Variants in CUX2 observed in about 807,000 individuals in gnomAD.
The protein encoded by CUX2 is homeobox protein cut-like 2.
In CUX2, 40 loss-of-function variants were observed where a neutral mutation model predicts 144.8. That is an observed-to-expected ratio of 0.28 (90% CI 0.21 to 0.36). The LOEUF (loss-of-function observed/expected upper bound fraction) is 0.36. Ranked by LOEUF, CUX2 falls within the 10% of genes least tolerant of loss-of-function variation. The probability of loss-of-function intolerance (pLI) is 1.00; values close to 1 mark genes in which losing one functional copy is unlikely to be tolerated. For synonymous variants in CUX2, 827 were observed against 875.6 expected, an observed-to-expected ratio of 0.94 and a Z score of 0.98; for missense variants, 1,615 against 1,994.0, an observed-to-expected ratio of 0.81 and a Z score of 3.62.
chr12:111,150,715 G>A (rs1295846521), intron 1 of CUX2, among the ~76,000 whole-genome samples: 1 of 135,202 alleles, frequency 7.4e-6, no homozygotes, highest in Non-Finnish European at 1.6e-5. Flanking sequence ...GTAGCTTCAG[G>A]ATCCTTCCAG....
chr12:111,208,006 C>A (rs1048915520), intron 1 of CUX2, among the ~76,000 whole-genome samples: 2 of 151,876 alleles, frequency 1.3e-5, no homozygotes, highest in Non-Finnish European at 2.9e-5. Flanking sequence ...GGTTTCTGCA[C>A]GGAATTTGGT....
chr12:111,328,712 GC>G (rs2136421163), intron 18 of CUX2, among the ~76,000 whole-genome samples: 1 of 151,710 alleles, frequency 6.6e-6, no homozygotes, highest in South Asian at 2.1e-4. Flanking sequence ...CAATTCTCCT[GC>G]CTCAGTCTCC....
chr12:111,166,692 G>T (rs1467731999), intron 1 of CUX2, among the ~76,000 whole-genome samples: 1 of 152,210 alleles, frequency 6.6e-6, no homozygotes, highest in East Asian at 1.9e-4. Flanking sequence ...AGGATCTGCA[G>T]AGGCTAAACG....
intron 1 of CUX2, among the ~76,000 whole-genome samples, chr12:111,071,846 C>T (rs1167816578): frequency 1.3e-5 from 2 of 152,130 alleles, no homozygotes; most frequent in Non-Finnish European, 2.9e-5. Flanking sequence ...CCAGTTGTTC[C>T]AGCACCATTT....
intron 16 of CUX2, among the ~76,000 whole-genome samples, chr12:111,317,990 A>G (rs955894142): frequency 2.0e-5 from 3 of 151,192 alleles, no homozygotes; most frequent in Non-Finnish European, 4.4e-5. Flanking sequence ...ACAGAACAAG[A>G]CTCAGTCAAA....
At chr12:111,222,365 C>T (rs1435829254) in intron 3 of CUX2, among the ~76,000 whole-genome samples, 3 of 152,180 alleles carry the variant, frequency 2.0e-5, no homozygotes, top group Non-Finnish European at 4.4e-5. Context: ...TTTTCTGAAG[C>T]GCGTGTGCAC....
In CUX2 at chr12:111,250,117, A is replaced by T. The variant is rs185165064; in HGVS notation, c.223-13644A>T. The stretch of plus-strand genomic sequence containing the variant: ...AAAAAGGCCAAAGTGGCTGACAAAG[A>T]GCTCCTGGTGGGAGCCCACCCCCTT... On this transcript the variant is annotated intron_variant, in intron 3 of 21. Transcript: ENST00000261726. Among the ~76,000 whole-genome samples the T allele has an allele frequency of 3.8e-3, 582 of 152,236 alleles. 4 individuals carry two copies. The highest frequency in any genetic ancestry group is 0.013 in the African/African-American group (525 of 41,552).
At chr12:111,267,033 A>G (rs112232121) in intron 4 of CUX2, among the ~76,000 whole-genome samples, 4,340 of 151,692 alleles carry the variant, frequency 0.029, 80 homozygotes, top group Middle Eastern at 0.048. Flanking sequence ...CTGTCTCTAC[A>G]AAAAAAATAC....
chr12:111,327,794 C>T (rs1887888082), intron 18 of CUX2, among the ~76,000 whole-genome samples: 1 of 152,156 alleles, frequency 6.6e-6, no homozygotes, highest in Non-Finnish European at 1.5e-5. Context: ...CAGTGCGTCA[C>T]ACCTGTAGTC....
chr12:111,214,952 T>C (rs569018499), intron 2 of CUX2, among the ~76,000 whole-genome samples: 7 of 152,302 alleles, frequency 4.6e-5, no homozygotes, highest in African/African-American at 1.7e-4. Context: ...TTCCATCCTC[T>C]CGCAGGCCCC....
At chr12:111,203,559 A>G (rs962322154) in intron 1 of CUX2, among the ~76,000 whole-genome samples, 12 of 150,932 alleles carry the variant, frequency 8.0e-5, no homozygotes, top group African/African-American at 2.7e-4. Flanking sequence ...AAAAAAAAAA[A>G]GAAAAAAAAG....
At chr12:111,242,951 G>T (rs1254828340) in intron 3 of CUX2, among the ~76,000 whole-genome samples, 1 of 152,118 alleles carries the variant, frequency 6.6e-6, no homozygotes, top group African/African-American at 2.4e-5. Context: ...TGAACATGAG[G>T]TGTTTGATTT....
intron 1 of CUX2, among the ~76,000 whole-genome samples, chr12:111,047,630 T>G (rs976752956): frequency 2.0e-5 from 3 of 152,194 alleles, no homozygotes; most frequent in Non-Finnish European, 2.9e-5. Flanking sequence ...GTTCATTTAC[T>G]AGCCCAAGGT....
intron 1 of CUX2, among the ~76,000 whole-genome samples, chr12:111,157,460 G>A (rs559507666): frequency 6.6e-6 from 1 of 151,890 alleles, no homozygotes; most frequent in East Asian, 1.9e-4. Context: ...TCTGGTTTAT[G>A]TTTCAAAGAT....
At chr12:111,073,844 C>T (rs894826330) in intron 1 of CUX2, among the ~76,000 whole-genome samples, 4 of 151,910 alleles carry the variant, frequency 2.6e-5, no homozygotes, top group Admixed American at 2.6e-4. Flanking sequence ...GCCTGTAGTT[C>T]TAGCTACTCC....
chr12:111,250,627 G>C (rs758563850), intron 3 of CUX2, among the ~76,000 whole-genome samples: 53 of 152,304 alleles, frequency 3.5e-4, no homozygotes, highest in Non-Finnish European at 6.3e-4. Context: ...TTGCACACAG[G>C]GGGCTGGTGG....
At chr12:111,185,624 C>A (rs1270820526) in intron 1 of CUX2, among the ~76,000 whole-genome samples, 1 of 152,198 alleles carries the variant, frequency 6.6e-6, no homozygotes, top group Non-Finnish European at 1.5e-5. Flanking sequence ...GAGTAGGGTG[C>A]TGAGGACAGA....
chr12:111,271,233 C>T (rs1884633981), intron 4 of CUX2, among the ~76,000 whole-genome samples: 1 of 152,184 alleles, frequency 6.6e-6, no homozygotes, highest in Non-Finnish European at 1.5e-5. Context: ...TTTGTCTCCT[C>T]GATTATAAAA....
At chr12:111,117,142 T>C (rs1874355312) in intron 1 of CUX2, among the ~76,000 whole-genome samples, 1 of 152,248 alleles carries the variant, frequency 6.6e-6, no homozygotes, top group Non-Finnish European at 1.5e-5. Flanking sequence ...GTGATATTGC[T>C]AATAGTAGTC....
Sources: gnomAD v4.1 joint callset for allele counts (sites outside exome capture counted in the v4.1 genomes callset) on GRCh38, gnomAD v4.1.1 for gene constraint, MANE v1.5 for transcripts, NCBI Gene and HGNC (gene_info 2026-07-23, HGNC 2026-07-21) for gene names.